PLD5: variants seen among roughly 807,000 people sequenced by gnomAD.
PLD5 encodes the protein inactive phospholipase D5.
Under a neutral mutation model 61.1 loss-of-function variants are expected in PLD5, and 36 were observed. The observed-to-expected ratio is 0.59, with a 90% CI of 0.45 to 0.78. PLD5 has a LOEUF of 0.78. Ranked by LOEUF, PLD5 falls within the 30% of genes least tolerant of loss-of-function variation. The pLI is 0.00. For synonymous variants in PLD5, 243 were observed against 242.8 expected (o/e 1.00, Z -0.01); for missense variants, 515 against 644.4 (o/e 0.80, Z 2.17).
intron 1 of PLD5, among the ~76,000 whole-genome samples, chr1:242,358,642 C>A (rs1243487559): frequency 6.6e-6 from 1 of 151,626 alleles, no homozygotes. Flanking sequence ...AGTATATTCT[C>A]CAGCTGGAAT....
At chr1:242,404,045 G>A (rs907740116) in intron 1 of PLD5, among the ~76,000 whole-genome samples, 3 of 152,162 alleles carry the variant, frequency 2.0e-5, no homozygotes, top group African/African-American at 7.2e-5. Context: ...GTAAATAGCA[G>A]GCCTTATGCC....
intron 1 of PLD5, among the ~76,000 whole-genome samples, chr1:242,518,084 G>GCC (rs1669163271): frequency 6.6e-6 from 1 of 152,128 alleles, no homozygotes; most frequent in African/African-American, 2.4e-5. Context: ...GTCCCATGAT[G>GCC]CCCAGGCAGG....
In PLD5 at chr1:242,150,443, T is replaced by C. The variant is rs540390676; in HGVS notation, c.736-25778A>G. Among the ~76,000 whole-genome samples, 43 of 151,970 alleles carry C rather than the reference T, an allele frequency of 2.8e-4. 1 individual carries two copies. The highest frequency in any genetic ancestry group is 1.0e-3 in the African/African-American group (43 of 41,550). On this transcript the variant is annotated intron_variant, in intron 5 of 9. Transcript: ENST00000536534. The stretch of plus-strand genomic sequence containing the variant: ...TAATTGTGGGTTTGTTTATTTCTCC[T>C]TATACTATTATTTGTTTTTGCTTTA...
chr1:242,367,876 T>C (rs1371008002), intron 1 of PLD5, among the ~76,000 whole-genome samples: 1 of 152,142 alleles, frequency 6.6e-6, no homozygotes, highest in African/African-American at 2.4e-5. Flanking sequence ...AGGTCACCAG[T>C]TAGAGATCTT....
chr1:242,103,229 G>A (rs971057783), intron 8 of PLD5, among the ~76,000 whole-genome samples: 36 of 152,136 alleles, frequency 2.4e-4, no homozygotes, highest in African/African-American at 8.7e-4. Context: ...ACTTCACTGG[G>A]CAGCCTCTTC....
At chr1:242,299,800 ATAATCTGTC>A (rs1235672109) in intron 2 of PLD5, among the ~76,000 whole-genome samples, 13 of 152,248 alleles carry the variant, frequency 8.5e-5, no homozygotes, top group African/African-American at 2.4e-4. Context: ...AATTCAGGAC[ATAATCTGTC>A]TGATGATTTT....
intron 1 of PLD5, among the ~76,000 whole-genome samples, chr1:242,459,824 C>A (rs182291763): frequency 1.3e-5 from 2 of 152,218 alleles, no homozygotes; most frequent in East Asian, 3.9e-4. Context: ...GAATGTGACT[C>A]TTGTGGAAAG....
chr1:242,464,362 C>T (rs761860678), intron 1 of PLD5, among the ~76,000 whole-genome samples: 2 of 152,208 alleles, frequency 1.3e-5, no homozygotes, highest in Non-Finnish European at 2.9e-5. Context: ...AGGCATCTCA[C>T]CCTGCCCAAA....
chr1:242,219,392 G>C lies in PLD5; in HGVS notation c.735+596C>G, dbSNP rs1268157953. 2.0e-5 allele frequency among the ~76,000 whole-genome samples: 3 copies of C among 152,156 alleles called. No homozygotes were observed. The East Asian group carries it at 5.8e-4, about 29-fold the overall frequency. On this transcript the variant is annotated intron_variant, in intron 5 of 9. Transcript: ENST00000536534. ...TGATTTAAAAAGATGTTCTGAGAAG[G>C]TTGGCTAGTCTTCCTAAGCATCCAA...
intron 6 of PLD5, among the ~76,000 whole-genome samples, chr1:242,115,206 A>T (rs564072192): frequency 6.6e-6 from 1 of 151,870 alleles, no homozygotes; most frequent in Non-Finnish European, 1.5e-5. Flanking sequence ...AAGAAAAAAG[A>T]AAGTGCACAA....
chr1:242,366,242 T>C (rs993557981), intron 1 of PLD5, among the ~76,000 whole-genome samples: 2 of 152,208 alleles, frequency 1.3e-5, no homozygotes, highest in East Asian at 1.9e-4. Context: ...AAGAGGAATA[T>C]GGGGTCTGCA....
At chr1:242,222,521 G>C (rs1215050775) in intron 4 of PLD5, among the ~76,000 whole-genome samples, 1 of 152,196 alleles carries the variant, frequency 6.6e-6, no homozygotes, top group African/African-American at 2.4e-5. Context: ...CTGTGACACT[G>C]ACTGGCCCTC....
chr1:242,387,024 T>C (rs760357031), intron 1 of PLD5, among the ~76,000 whole-genome samples: 1 of 152,212 alleles, frequency 6.6e-6, no homozygotes, highest in Non-Finnish European at 1.5e-5. Context: ...CACAGTAGAT[T>C]TGGCAAATCT....
intron 5 of PLD5, among the ~76,000 whole-genome samples, chr1:242,167,762 A>C (rs1666436453): frequency 6.6e-6 from 1 of 152,216 alleles, no homozygotes; most frequent in Non-Finnish European, 1.5e-5. Context: ...AAATACATCC[A>C]TAGATGTGGA....
intron 8 of PLD5, among the ~76,000 whole-genome samples, chr1:242,105,645 A>G (rs1660997221): frequency 6.6e-6 from 1 of 152,244 alleles, no homozygotes; most frequent in South Asian, 2.1e-4. Flanking sequence ...GGTATTTCAC[A>G]GGGTTGAAAA....
rs183657561 is a variant in PLD5, at chr1:242,494,635, C to A, written c.189+29453G>T. On this transcript the variant is annotated intron_variant, in intron 1 of 9. Coordinates refer to ENST00000536534, the MANE Select transcript of PLD5 (RefSeq NM_001372062.1). ...GCTTGCTGGATACTACCTCAAACCC[C>A]AGCCAAGGTTTATTTTATGTTCCAA... Among the ~76,000 whole-genome samples, 607 of 152,276 alleles carry A rather than the reference C, an allele frequency of 4.0e-3. 1 individual carries two copies. Among genetic ancestry groups the A allele is most frequent in the Non-Finnish European group, 6.8e-3 (465 of 68,022 alleles).
intron 5 of PLD5, among the ~76,000 whole-genome samples, chr1:242,126,854 G>A (rs1012132946): frequency 2.0e-5 from 3 of 152,150 alleles, no homozygotes; most frequent in Admixed American, 2.0e-4. Flanking sequence ...AAAAGGAACA[G>A]TCAGCAGAAT....
chr1:242,115,449 G>T (rs1661868756), intron 6 of PLD5, among the ~76,000 whole-genome samples: 1 of 151,988 alleles, frequency 6.6e-6, no homozygotes, highest in South Asian at 2.1e-4. Flanking sequence ...TTACTTAGGA[G>T]AGAATTCTTG....
At chr1:242,259,186 C>T (rs1160641660) in intron 4 of PLD5, among the ~76,000 whole-genome samples, 2 of 152,048 alleles carry the variant, frequency 1.3e-5, no homozygotes, top group East Asian at 1.9e-4. Flanking sequence ...GCACATGCCT[C>T]TAGTCCCAGC....
Sources: gnomAD v4.1 joint callset for allele counts (sites outside exome capture counted in the v4.1 genomes callset) on GRCh38, gnomAD v4.1.1 for gene constraint, MANE v1.5 for transcripts, NCBI Gene and HGNC (gene_info 2026-07-23, HGNC 2026-07-21) for gene names.